The following LYRM4 variants were observed in gnomAD, a reference collection of about 807,000 sequenced individuals.
LYRM4 encodes LYR motif-containing protein 4.
A neutral mutation model predicts 11.7 loss-of-function variants in LYRM4; 9 were observed. That is an observed-to-expected ratio of 0.77 (90% CI 0.46 to 1.34). The LOEUF is 1.34. Among genes scored for constraint, LYRM4 ranks in the 40% most tolerant of loss-of-function variants. The probability of loss-of-function intolerance (pLI) is 0.00; values close to 1 mark genes in which losing one functional copy is unlikely to be tolerated. For synonymous variants in LYRM4, 42 were observed against 40.4 expected (o/e 1.04, Z -0.15); for missense variants, 133 against 112.5 (o/e 1.18, Z -0.82).
chr6:5,118,465 T>C (rs9502272), intron 2 of LYRM4, among the ~76,000 whole-genome samples: 4,629 of 152,220 alleles, frequency 0.03, 78 homozygotes, highest in Middle Eastern at 0.085. Flanking sequence ...AGATGGCACA[T>C]GCTAAACTGC....
chr6:5,205,950 C>T (rs143774014), intron 2 of LYRM4, among the ~76,000 whole-genome samples: 1 of 152,322 alleles, frequency 6.6e-6, no homozygotes, highest in East Asian at 1.9e-4. Context: ...CAAAGTGCAG[C>T]TCCAGGCTTT....
intron 1 of LYRM4, 50 bp downstream of exon 1, chr6:5,260,598 T>TGCCCCGGCCCCGGGGCCCCCC: frequency 1.8e-6 from 2 of 1,105,570 alleles, no homozygotes; most frequent in Non-Finnish European, 2.6e-6. Context: ...GCACCCCCGG[T>TGCCCCGGCCCCGGGGCCCCCC]CCCCGGCCCC....
chr6:5,255,564 T>TAA (rs1392669791), intron 1 of LYRM4, among the ~76,000 whole-genome samples: 1 of 152,212 alleles, frequency 6.6e-6, no homozygotes, highest in Non-Finnish European at 1.5e-5. Context: ...TCCTCAGTAA[T>TAA]ATTTAAGAAC....
intron 2 of LYRM4, among the ~76,000 whole-genome samples, chr6:5,139,716 C>T (rs1282407024): frequency 6.6e-6 from 1 of 152,212 alleles, no homozygotes; most frequent in Non-Finnish European, 1.5e-5. Context: ...AACAACTGAA[C>T]TGTCGCCAAT....
rs1020270215 is a variant in LYRM4 at position 5,260,918 on chromosome 6, G to C, written c.-185C>G. ...GATCGCGGACGGCGCCAGGCGTCCC[G>C]CGCCGCTTCGGGGGCGGGCGCAGGC... On this transcript the variant is annotated 5_prime_UTR_variant, in exon 1 of 3. Coordinates refer to ENST00000330636, the MANE Select transcript of LYRM4 (RefSeq NM_020408.6). The C allele has an allele frequency of 2.9e-6, 4 of 1,366,452 alleles. No individual in the cohort carries two copies. Among genetic ancestry groups the C allele is most frequent in the Non-Finnish European group, 3.8e-6 (4 of 1,065,196 alleles). 84.6% of individuals were successfully genotyped at this position (1,366,452 alleles called of 1,614,324 possible).
chr6:5,114,038 C>A (rs1438919361), intron 2 of LYRM4, among the ~76,000 whole-genome samples: 2 of 152,320 alleles, frequency 1.3e-5, no homozygotes, highest in African/African-American at 4.8e-5. Context: ...GACTCCTGTG[C>A]AGCTAGAGGT....
At chr6:5,090,554 G>A in the LYRM4 span, among the ~76,000 whole-genome samples, 1 of 152,172 alleles carries the variant, frequency 6.6e-6, no homozygotes, top group Non-Finnish European at 1.5e-5. The surrounding 1 kb of genome is among the most constrained non-coding windows in gnomAD (Gnocchi z 4.8). Context: ...ACTGGGAATG[G>A]GGGTAGTTGC....
Position 5,137,022 on chromosome 6 carries a change from C to T in LYRM4, c.208-27531G>A, listed in dbSNP as rs535125095. 1.8e-4 allele frequency among the ~76,000 whole-genome samples: 27 copies of T among 152,274 alleles called. No individual in the cohort carries two copies. The South Asian group carries it at 3.5e-3, about 20-fold the overall frequency. ...CCCATCCTCTCTAGCCCCTGGCAAC[C>T]GCTAACCCACTTTCTGTCTCGATGC... is the stretch of plus-strand genomic sequence containing the variant. On this transcript the variant is annotated intron_variant, in intron 2 of 2. Transcript: ENST00000330636.
the LYRM4 span, chr6:5,066,946 T>C: frequency 9.1e-7 from 1 of 1,095,350 alleles, no homozygotes; most frequent in Non-Finnish European, 1.2e-6. Flanking sequence ...GCGGAGAGCC[T>C]CAGCCGAGGA....
chr6:5,248,142 A>G (rs959309901), intron 1 of LYRM4, among the ~76,000 whole-genome samples: 6 of 152,232 alleles, frequency 3.9e-5, no homozygotes, highest in Non-Finnish European at 5.9e-5. Context: ...ATTTGGAATA[A>G]CTTTTCTTCT....
the LYRM4 span, among the ~76,000 whole-genome samples, chr6:5,093,801 TTCCTTGTGAGTAATAG>T: frequency 6.6e-6 from 1 of 152,212 alleles, no homozygotes; most frequent in Non-Finnish European, 1.5e-5. Flanking sequence ...GTGCAATGGC[TTCCTTGTGAGTAATAG>T]TCCATCGACC....
chr6:5,235,890 C>T (rs1275565859), intron 1 of LYRM4, among the ~76,000 whole-genome samples: 1 of 152,166 alleles, frequency 6.6e-6, no homozygotes, highest in Non-Finnish European at 1.5e-5. Flanking sequence ...AATATTCTCA[C>T]TGGTTTTGAG....
chr6:5,162,095 G>C (rs1250194529), intron 2 of LYRM4, among the ~76,000 whole-genome samples: 3 of 152,142 alleles, frequency 2.0e-5, no homozygotes, highest in South Asian at 4.1e-4. Flanking sequence ...GGTTGCTCAG[G>C]AGGGTGAGCA....
At chr6:5,056,814 A>G in the LYRM4 span, among the ~76,000 whole-genome samples, 1 of 152,264 alleles carries the variant, frequency 6.6e-6, no homozygotes, top group Admixed American at 6.5e-5. Context: ...AATGTCTACC[A>G]GATGCCCAAG....
At chr6:5,035,939 A>T in the LYRM4 span, among the ~76,000 whole-genome samples, 3 of 149,418 alleles carry the variant, frequency 2.0e-5, no homozygotes, top group South Asian at 6.4e-4. Flanking sequence ...AATTGATTTG[A>T]TGTTGTGTTC....
intron 2 of LYRM4, among the ~76,000 whole-genome samples, chr6:5,149,456 A>T (rs960742993): frequency 6.6e-6 from 1 of 152,224 alleles, no homozygotes; most frequent in Non-Finnish European, 1.5e-5. Context: ...CCAAGGTCAG[A>T]TAGCATGTCG....
chr6:5,095,285 T>C, the LYRM4 span, among the ~76,000 whole-genome samples: 26 of 152,138 alleles, frequency 1.7e-4, no homozygotes, highest in African/African-American at 5.3e-4. Flanking sequence ...GGAAAAACCT[T>C]AGACAAACTA....
At chr6:5,142,470 T>C (rs1757460921) in intron 2 of LYRM4, among the ~76,000 whole-genome samples, 2 of 152,228 alleles carry the variant, frequency 1.3e-5, no homozygotes, top group Admixed American at 1.3e-4. Context: ...CGCCATGCCC[T>C]GTCTGAATTC....
intron 2 of LYRM4, among the ~76,000 whole-genome samples, chr6:5,157,511 T>TAAAAA (rs527534440): frequency 7.5e-6 from 1 of 133,990 alleles, no homozygotes; most frequent in African/African-American, 2.7e-5. Flanking sequence ...TATCTAAAAC[T>TAAAAA]AAAAAAAAAA....
Sources: allele counts gnomAD v4.1 joint callset (sites outside exome capture counted in the v4.1 genomes callset), GRCh38; gene constraint gnomAD v4.1.1; non-coding constraint Gnocchi (gnomAD v3.1); transcripts MANE v1.5; gene names NCBI Gene and HGNC (gene_info 2026-07-23, HGNC 2026-07-21).